The following CHCHD6 variants were observed in gnomAD, a reference collection of about 807,000 sequenced individuals.
CHCHD6 encodes the protein coiled-coil-helix-coiled-coil-helix domain containing 6.
CHCHD6 carries 28 observed loss-of-function variants against 32.3 expected under a neutral mutation model. The ratio of observed to expected loss-of-function variants is 0.87; its 90% CI spans 0.64 to 1.19. The LOEUF is 1.19. CHCHD6 is among the 50% of genes most tolerant of loss of function. CHCHD6 has a pLI of 0.00. For synonymous variants in CHCHD6, 122 were observed against 117.5 expected, an observed-to-expected ratio of 1.04 and a Z score of -0.25; for missense variants, 333 against 307.0, an observed-to-expected ratio of 1.08 and a Z score of -0.63.
At chr3:126,708,731 A>T (rs1184746438) in intron 1 of CHCHD6, among the ~76,000 whole-genome samples, 1 of 152,082 alleles carries the variant, frequency 6.6e-6, no homozygotes, top group African/African-American at 2.4e-5. Context: ...TTTTTAGTAA[A>T]CTGTGGTGAC....
chr3:126,788,519 T>C (rs776644038), intron 4 of CHCHD6, among the ~76,000 whole-genome samples: 1 of 152,224 alleles, frequency 6.6e-6, no homozygotes, highest in African/African-American at 2.4e-5. Context: ...TATTGGTCTA[T>C]TCAGGGATTC....
chr3:126,883,450 T>C (rs181724762), intron 5 of CHCHD6, among the ~76,000 whole-genome samples: 1 of 152,338 alleles, frequency 6.6e-6, no homozygotes, highest in East Asian at 1.9e-4. Flanking sequence ...TGCTGCAGAA[T>C]TGATTGCTTG....
chr3:126,903,452 C>T (rs1156271172), intron 5 of CHCHD6, among the ~76,000 whole-genome samples: 1 of 152,132 alleles, frequency 6.6e-6, no homozygotes, highest in African/African-American at 2.4e-5. Context: ...GCAATCCACA[C>T]CATCAAGACC....
intron 4 of CHCHD6, among the ~76,000 whole-genome samples, chr3:126,838,817 A>G (rs148552314): frequency 0.012 from 1,814 of 152,302 alleles, 19 homozygotes; most frequent in Middle Eastern, 0.048. Context: ...AGTGTACTGT[A>G]CTGTCTTAAT....
At chr3:126,827,310 A>C (rs1444414717) in intron 4 of CHCHD6, among the ~76,000 whole-genome samples, 5 of 152,212 alleles carry the variant, frequency 3.3e-5, no homozygotes, top group Non-Finnish European at 5.9e-5. Flanking sequence ...CAGAGCACAG[A>C]GAGGTTGGAG....
intron 6 of CHCHD6, among the ~76,000 whole-genome samples, chr3:126,920,329 C>CT (rs913392545): frequency 4.0e-5 from 6 of 148,902 alleles, no homozygotes; most frequent in African/African-American, 7.4e-5. Flanking sequence ...CTTCTGTTGC[C>CT]TTTTTTTTTC....
intron 1 of CHCHD6, among the ~76,000 whole-genome samples, chr3:126,725,113 T>C (rs2107655918): frequency 6.6e-6 from 1 of 152,344 alleles, no homozygotes; most frequent in South Asian, 2.1e-4. Context: ...GTCCTTTCCT[T>C]GGAGTTCTCA....
chr3:126,806,889 T>C (rs1355293071), intron 4 of CHCHD6, among the ~76,000 whole-genome samples: 1 of 151,896 alleles, frequency 6.6e-6, no homozygotes, highest in Non-Finnish European at 1.5e-5. Context: ...TGAGTTCATG[T>C]CCTTTGTAGG....
intron 4 of CHCHD6, among the ~76,000 whole-genome samples, chr3:126,773,524 A>T (rs186266745): frequency 2.0e-5 from 3 of 151,770 alleles, no homozygotes; most frequent in South Asian, 2.1e-4. Flanking sequence ...TTCTTTATTC[A>T]GCATTCTCTT....
intron 4 of CHCHD6, among the ~76,000 whole-genome samples, chr3:126,803,840 G>C (rs1479615088): frequency 6.6e-6 from 1 of 152,104 alleles, no homozygotes; most frequent in Non-Finnish European, 1.5e-5. Context: ...AAATGTAAAA[G>C]AACAGAAATT....
chr3:126,945,640 C>T (rs2078625586), intron 6 of CHCHD6, among the ~76,000 whole-genome samples: 1 of 95,342 alleles, frequency 1.0e-5, no homozygotes, highest in Non-Finnish European at 2.0e-5. Flanking sequence ...AGACTCAAGT[C>T]GGGAGACTCA....
intron 6 of CHCHD6, among the ~76,000 whole-genome samples, chr3:126,939,354 G>A (rs557036603): frequency 6.6e-6 from 1 of 152,348 alleles, no homozygotes; most frequent in South Asian, 2.1e-4. Flanking sequence ...AATTAAGTCT[G>A]TTAAGCCACA....
At chr3:126,927,757 A>G (rs763321029) in intron 6 of CHCHD6, among the ~76,000 whole-genome samples, 3 of 152,176 alleles carry the variant, frequency 2.0e-5, no homozygotes, top group Non-Finnish European at 4.4e-5. Context: ...ATGTTATTAC[A>G]GTTGAGGAAT....
At chr3:126,943,184 G>A (rs2078586254) in intron 6 of CHCHD6, among the ~76,000 whole-genome samples, 1 of 152,140 alleles carries the variant, frequency 6.6e-6, no homozygotes, top group South Asian at 2.1e-4. Flanking sequence ...GCAGGCCACT[G>A]CCACCACCTC....
At chr3:126,849,973 G>A (rs1456918242) in intron 4 of CHCHD6, among the ~76,000 whole-genome samples, 4 of 152,192 alleles carry the variant, frequency 2.6e-5, no homozygotes, top group East Asian at 1.9e-4. Flanking sequence ...GTGGAGTGGC[G>A]GGTGCTGCCC....
intron 1 of CHCHD6, among the ~76,000 whole-genome samples, chr3:126,722,766 C>G (rs1471485510): frequency 6.6e-6 from 1 of 152,022 alleles, no homozygotes; most frequent in Non-Finnish European, 1.5e-5. Context: ...TTTTCAGTTG[C>G]CCTATGGTGT....
intron 6 of CHCHD6, among the ~76,000 whole-genome samples, chr3:126,924,434 A>G (rs993478970): frequency 6.6e-6 from 1 of 152,238 alleles, no homozygotes; most frequent in Non-Finnish European, 1.5e-5. Context: ...TATAGCTTGT[A>G]TAATTAAAAA....
intron 4 of CHCHD6, among the ~76,000 whole-genome samples, chr3:126,792,902 T>G (rs1024421096): frequency 1.3e-5 from 2 of 152,218 alleles, no homozygotes; most frequent in Non-Finnish European, 2.9e-5. Flanking sequence ...ACATTTGTTC[T>G]GTGTATTTTG....
At chr3:126,748,896 C>G (rs1936613490) in intron 4 of CHCHD6, among the ~76,000 whole-genome samples, 1 of 152,138 alleles carries the variant, frequency 6.6e-6, no homozygotes, top group Non-Finnish European at 1.5e-5. Context: ...AAACAGATGT[C>G]AAACAAGTAA....
Sources: gnomAD v4.1 joint callset for allele counts (sites outside exome capture counted in the v4.1 genomes callset) on GRCh38, gnomAD v4.1.1 for gene constraint, MANE v1.5 for transcripts, NCBI Gene and HGNC (gene_info 2026-07-23, HGNC 2026-07-21) for gene names.